The following VPS9D1 variants were observed in gnomAD, a reference collection of about 807,000 sequenced individuals.
The protein encoded by VPS9D1 is VPS9 domain-containing protein 1.
In VPS9D1, 78 loss-of-function variants were observed where a neutral mutation model predicts 75.8. The observed-to-expected ratio is 1.03, with a 90% confidence interval of 0.86 to 1.24. The LOEUF is 1.24. Ranked by LOEUF, VPS9D1 falls within the 50% of genes most tolerant of loss-of-function variation. The pLI is 0.00. For missense variants in VPS9D1, 1,057 were observed against 847.7 expected (o/e 1.25, Z -3.07); for synonymous variants, 481 against 385.6 (o/e 1.25, Z -2.90).
Position 89,709,409 on chromosome 16 carries a change from G to T in VPS9D1, c.1415C>A (p.Ala472Asp). The change falls in exon 12 of 15, where the codon GCC (alanine) becomes GAC (aspartate). Residue 472 changes from alanine to aspartate, a missense_variant. Ala to Asp is a moderately radical substitution (Grantham distance 126). Transcript: ENST00000389386. The stretch of plus-strand genomic sequence containing the variant: ...GTAGAGCTCCATGCTCCTGCTCAGG[G>T]CAGCCTCCCGGGCTCGGTGCACGCT... ...YRSVHRAREAALSRSMELYRN... is the reference protein window; with the variant it reads ...YRSVHRAREADLSRSMELYRN... 1 of 1,522,430 alleles carries T rather than the reference G, an allele frequency of 6.6e-7. No homozygotes were observed. 94.3% of individuals were successfully genotyped at this position (1,522,430 alleles called of 1,614,324 possible).
intron 6 of VPS9D1, 143 bp downstream of exon 6, chr16:89,712,317 C>G: frequency 1.4e-6 from 2 of 1,379,900 alleles, no homozygotes; most frequent in Non-Finnish European, 2.0e-6. Context: ...CCCTGAGACC[C>G]TGCCTCTGCA....
chr16:89,716,586 G>T lies in VPS9D1; in HGVS notation c.307C>A (p.Pro103Thr). Residue 103 changes from proline to threonine, a missense_variant, in exon 4 of 15, where the codon CCC (proline) becomes ACC (threonine). Transcript: ENST00000389386. ...RLKPTMPAAA[P>T]IPQPAGRHRR... The stretch of plus-strand genomic sequence containing the variant: ...TGTCGGCCGGCAGGCTGGGGAATGG[G>T]AGCAGCTGCAGGCATGGTTGGCTTC... 1 of 1,613,858 alleles carries T rather than the reference G, an allele frequency of 6.2e-7. No individual in the cohort carries two copies. The highest frequency in any genetic ancestry group is 8.5e-7 in the Non-Finnish European group (1 of 1,179,888).
chr16:89,720,656 C>T (rs930102337), intron 1 of VPS9D1, 107 bp downstream of exon 1: 16 of 1,234,736 alleles, frequency 1.3e-5, no homozygotes, highest in African/African-American at 4.8e-5. Flanking sequence ...GGCTGGCGCC[C>T]GCTCCCAAGT....
chr16:89,720,148 C>T (rs78278442), intron 1 of VPS9D1, among the ~76,000 whole-genome samples: 3,203 of 152,284 alleles, frequency 0.021, 119 homozygotes, highest in African/African-American at 0.071. Flanking sequence ...GCCCTAAAAA[C>T]CAACTTGGGG....
rs764033924 is a variant in VPS9D1 at position 89,708,508 on chromosome 16, A to G, written c.1721T>C (p.Ile574Thr). The change falls in exon 14 of 15, where the codon ATC (isoleucine) becomes ACC (threonine). Residue 574 changes from isoleucine to threonine, a missense_variant. Coordinates refer to ENST00000389386, the MANE Select transcript of VPS9D1 (RefSeq NM_004913.3). ...AAIGADDLLP[I>T]LSFVVLRSGL... is the part of the protein sequence containing the mutation. ...GCTCCTCAGCACCACGAAGGACAGGATGGGCAGCAGGTCATCGGCACCACT... is the reference window on the plus strand; with the variant it reads ...GCTCCTCAGCACCACGAAGGACAGGGTGGGCAGCAGGTCATCGGCACCACT... The G allele has an allele frequency of 1.9e-6, 3 of 1,612,984 alleles. No homozygotes were observed. Among genetic ancestry groups the G allele is most frequent in the African/African-American group, 2.7e-5 (2 of 74,932 alleles).
rs1409694482 is a variant in VPS9D1 at position 89,710,976 on chromosome 16, G to T, written c.868C>A (p.Arg290=). ...GCGCTGTACACGGAGCACTGCAGCC[G>T]CCTCAGGAGCTGCGCGATCGGGTGG... is the stretch of plus-strand genomic sequence containing the variant. The part of the protein sequence containing the change: ...PDHPIAQLLR[R]LQCSVYSALY... Residue 290 remains arginine, a synonymous_variant, in exon 10 of 15, where the codon CGG becomes AGG. Coordinates refer to ENST00000389386, the MANE Select transcript of VPS9D1 (RefSeq NM_004913.3). The T allele has an allele frequency of 4.9e-6, 7 of 1,441,560 alleles. No individual in the cohort carries two copies. Among genetic ancestry groups the T allele is most frequent in the Admixed American group, 5.5e-5 (2 of 36,304 alleles). 89.3% of individuals were successfully genotyped at this position (1,441,560 alleles called of 1,614,324 possible). A position where few individuals can be genotyped will look rare whatever the true frequency, so the allele number is the denominator to read the frequency against.
intron 6 of VPS9D1, 110 bp downstream of exon 6, chr16:89,712,350 G>A (rs1174521388): frequency 1.3e-6 from 2 of 1,515,296 alleles, no homozygotes; most frequent in East Asian, 2.4e-5. Flanking sequence ...CCTCGGCCCT[G>A]TACCCCGACC....
intron 6 of VPS9D1, 21 bp downstream of exon 6, chr16:89,712,439 C>G (rs760120002): frequency 3.1e-6 from 5 of 1,612,384 alleles, no homozygotes; most frequent in Middle Eastern, 1.7e-4. Flanking sequence ...CGGGGACCAC[C>G]AGGGCGGTCA....
chr16:89,720,612 C>A lies in VPS9D1; in HGVS notation c.99+151G>T, dbSNP rs1597948831. 1.6e-5 allele frequency: 20 copies of A among 1,223,962 alleles called. No homozygotes were observed. The East Asian group carries it at 6.4e-4, about 39-fold the overall frequency. 75.8% of individuals were successfully genotyped at this position (1,223,962 alleles called of 1,614,324 possible). A position where few individuals can be genotyped will look rare whatever the true frequency, so the allele number is the denominator to read the frequency against. ...CTGCACGCCCGGCTGCGCCCCGCCC[C>A]CGTCCTCGCCCGGGAACCGCGGCCC... On this transcript the variant is annotated intron_variant, in intron 1 of 14. Coordinates refer to ENST00000389386, the MANE Select transcript of VPS9D1 (RefSeq NM_004913.3).
At chr16:89,714,274 A>C (rs1206378784) in intron 4 of VPS9D1, among the ~76,000 whole-genome samples, 1 of 151,292 alleles carries the variant, frequency 6.6e-6, no homozygotes, top group Non-Finnish European at 1.5e-5. Context: ...GGCTGTTGTT[A>C]GTGTTAGCGT....
intron 4 of VPS9D1, among the ~76,000 whole-genome samples, chr16:89,713,248 T>G (rs984542797): frequency 6.6e-6 from 1 of 151,754 alleles, no homozygotes; most frequent in Non-Finnish European, 1.5e-5. Flanking sequence ...GGACTTTTGG[T>G]TTTTCTTTTT....
At chr16:89,718,844 G>C (rs2061159400) in intron 2 of VPS9D1, among the ~76,000 whole-genome samples, 183 bp downstream of exon 2, 1 of 151,952 alleles carries the variant, frequency 6.6e-6, no homozygotes, top group Non-Finnish European at 1.5e-5. Context: ...CTCCCGAGTA[G>C]CTGGGACTAC....
At chr16:89,717,542 C>G (rs1218460343) in intron 2 of VPS9D1, 2 of 456,320 alleles carry the variant, frequency 4.4e-6, no homozygotes, top group South Asian at 3.1e-5. Context: ...CTGGACCCAC[C>G]GCCCCAGCGC....
rs1439223813 is a variant in VPS9D1 at position 89,707,257 on chromosome 16, GC to G, written c.*603del. 1 of 152,762 alleles carries G rather than the reference GC, an allele frequency of 6.5e-6. No individual in the cohort carries two copies. The highest frequency in any genetic ancestry group is 1.5e-5 in the Non-Finnish European group (1 of 68,464). 9.5% of individuals were successfully genotyped at this position (152,762 alleles called of 1,614,324 possible). A position where few individuals can be genotyped will look rare whatever the true frequency, so the allele number is the denominator to read the frequency against. On this transcript the variant is annotated 3_prime_UTR_variant, in exon 15 of 15. Transcript: ENST00000389386. ...GGTCCCGGAATGTTCACAGCCCACA[GC>G]CAAGGTGAGTAAGGGGCAGGGAATG...
At position 89,720,406 on chromosome 16, in the gene VPS9D1, A is replaced by G. The variant is rs2061223436; in HGVS notation, c.99+357T>C. 3 of 1,010,082 alleles carry G rather than the reference A, an allele frequency of 3.0e-6. No homozygotes were observed. The African/African-American group carries it at 5.2e-5, about 17-fold the overall frequency. The allele number at this position is 1,010,082 out of a possible 1,614,324, so 62.6% of individuals were successfully genotyped here. A position where few individuals can be genotyped will look rare whatever the true frequency, so the allele number is the denominator to read the frequency against. Reference sequence around the variant, plus strand: ...CCCCTGTGGCAACCGGATTAAATCTACCATCTCTGCCCAGAAAAATGCACG... The same window carrying G: ...CCCCTGTGGCAACCGGATTAAATCTGCCATCTCTGCCCAGAAAAATGCACG... On this transcript the variant is annotated intron_variant, in intron 1 of 14. Coordinates refer to ENST00000389386, the MANE Select transcript of VPS9D1 (RefSeq NM_004913.3).
At chr16:89,719,739 G>A (rs1261593750) in intron 1 of VPS9D1, among the ~76,000 whole-genome samples, 3 of 152,124 alleles carry the variant, frequency 2.0e-5, no homozygotes, top group Non-Finnish European at 4.4e-5. Context: ...GTTTTGTTGA[G>A]ACAGAGTCTC....
intron 13 of VPS9D1, 23 bp downstream of exon 13, chr16:89,708,834 C>A: frequency 6.4e-7 from 1 of 1,564,830 alleles, no homozygotes; most frequent in South Asian, 1.2e-5. Flanking sequence ...TCCCTGGCCA[C>A]ACCTCGCCCT....
rs1169163772 is a variant in VPS9D1 at position 89,710,905 on chromosome 16, G to A, written c.939C>T (p.Cys313=). 1.3e-6 allele frequency: 2 copies of A among 1,492,350 alleles called. No homozygotes were observed. Among genetic ancestry groups the A allele is most frequent in the Non-Finnish European group, 1.8e-6 (2 of 1,125,736 alleles). The allele number at this position is 1,492,350 out of a possible 1,614,324, so 92.4% of individuals were successfully genotyped here. A position where few individuals can be genotyped will look rare whatever the true frequency, so the allele number is the denominator to read the frequency against. The change falls in exon 10 of 15, where the codon TGC becomes TGT. Residue 313 remains cysteine, a synonymous_variant. Transcript: ENST00000389386. ...VSRAAAPAPG[C]CPPTPNPGSR... is the part of the protein sequence containing the mutation. ...TTCCGGGGTTGGGGGTCGGGGGGCA[G>A]CAGCCTGGGGCTGGCGCGGCTGCTC...
chr16:89,711,734 C>T, intron 8 of VPS9D1, 148 bp downstream of exon 8: 1 of 1,012,142 alleles, frequency 9.9e-7, no homozygotes, highest in Non-Finnish European at 1.4e-6. Flanking sequence ...GCCCCCTCAC[C>T]GGGCCCTCCC....
Sources: gnomAD v4.1 joint callset for allele counts (sites outside exome capture counted in the v4.1 genomes callset) on GRCh38, gnomAD v4.1.1 for gene constraint, MANE v1.5 for transcripts, NCBI Gene and HGNC (gene_info 2026-07-23, HGNC 2026-07-21) for gene names.